ANKS1B: variants seen among roughly 807,000 people sequenced by gnomAD.
ANKS1B encodes ankyrin repeat and sterile alpha motif domain containing 1B.
In ANKS1B, 36 loss-of-function variants were observed where a neutral mutation model predicts 148.3. The ratio of observed to expected loss-of-function variants is 0.24; its 90% CI spans 0.19 to 0.32. The LOEUF is 0.32. Ranked by LOEUF, ANKS1B falls within the 10% of genes least tolerant of loss-of-function variation. The pLI, the probability that ANKS1B is intolerant of heterozygous loss-of-function variation, is 1.00. For synonymous variants in ANKS1B, 542 were observed against 560.8 expected (o/e 0.97, Z 0.47); for missense variants, 1,157 against 1,542.6 (o/e 0.75, Z 4.19).
chr12:98,952,675 C>T (rs2153083574), intron 17 of ANKS1B, among the ~76,000 whole-genome samples: 1 of 152,278 alleles, frequency 6.6e-6, no homozygotes, highest in South Asian at 2.1e-4. Flanking sequence ...TGCCTGCTCT[C>T]CACCTCACAT....
chr12:99,405,503 C>T (rs2094510069), intron 11 of ANKS1B, among the ~76,000 whole-genome samples: 1 of 144,624 alleles, frequency 6.9e-6, no homozygotes. Flanking sequence ...AAATTATTTG[C>T]AAGCCTTAAG....
intron 8 of ANKS1B, among the ~76,000 whole-genome samples, chr12:99,706,981 G>A (rs1600206960): frequency 1.3e-5 from 2 of 152,182 alleles, no homozygotes; most frequent in South Asian, 4.1e-4. Flanking sequence ...CTAGTCTTGT[G>A]AGAGAACATG....
intron 12 of ANKS1B, among the ~76,000 whole-genome samples, chr12:99,304,761 T>C (rs1428817003): frequency 1.3e-5 from 2 of 152,158 alleles, no homozygotes; most frequent in African/African-American, 4.8e-5. Context: ...TCTCTTATAA[T>C]ACATTAAATA....
intron 17 of ANKS1B, among the ~76,000 whole-genome samples, chr12:98,974,749 A>G (rs546617270): frequency 2.6e-5 from 4 of 152,270 alleles, no homozygotes; most frequent in African/African-American, 4.8e-5. Context: ...GCCAAGGAGT[A>G]TGAGCCAGTA....
At chr12:99,547,079 G>A (rs370161244) in intron 9 of ANKS1B, among the ~76,000 whole-genome samples, 7 of 152,118 alleles carry the variant, frequency 4.6e-5, no homozygotes, top group African/African-American at 1.7e-4. Context: ...TGTGGCCTTG[G>A]GGAGAAAAAG....
chr12:99,292,981 C>T (rs2080249553), intron 12 of ANKS1B, among the ~76,000 whole-genome samples: 1 of 152,136 alleles, frequency 6.6e-6, no homozygotes, highest in Admixed American at 6.5e-5. Flanking sequence ...TACCATTTGA[C>T]CCAGCAATCC....
Position 99,504,546 on chromosome 12 carries a change from A to G in ANKS1B, c.1368T>C (p.Asp456=). Residue 456 remains aspartate (D), a synonymous_variant, in exon 10 of 27, where the codon GAT becomes GAC. Transcript: ENST00000683438. ...TCTTTGTAACAGCTGTGTCCATGAGATCACACAGAAAGTTCTCATTTTCTG... is the reference window on the plus strand; with the variant it reads ...TCTTTGTAACAGCTGTGTCCATGAGGTCACACAGAAAGTTCTCATTTTCTG... ...FPSENENFLC[D]LMDTAVTKKP... is the part of the protein sequence containing the mutation. 1 of 1,612,982 alleles carries G rather than the reference A, an allele frequency of 6.2e-7. No individual in the cohort carries two copies. Among genetic ancestry groups the G allele is most frequent in the Non-Finnish European group, 8.5e-7 (1 of 1,179,450 alleles).
At chr12:99,144,344 CAT>C (rs2072174007) in intron 15 of ANKS1B, among the ~76,000 whole-genome samples, 1 of 151,908 alleles carries the variant, frequency 6.6e-6, no homozygotes, top group Non-Finnish European at 1.5e-5. Flanking sequence ...TGCCAGTTCT[CAT>C]ATTAAATAGC....
intron 12 of ANKS1B, among the ~76,000 whole-genome samples, chr12:99,381,748 G>T (rs960390240): frequency 6.6e-6 from 1 of 152,184 alleles, no homozygotes; most frequent in African/African-American, 2.4e-5. Flanking sequence ...AATGTGAAAG[G>T]TGGAAAACCG....
At chr12:98,797,559 G>GT (rs944666348) in intron 22 of ANKS1B, among the ~76,000 whole-genome samples, 8 of 152,234 alleles carry the variant, frequency 5.3e-5, no homozygotes, top group South Asian at 2.1e-4. Flanking sequence ...ACAGAAGCTT[G>GT]TTTTTTTATC....
chr12:99,571,494 A>G (rs1415106432), intron 9 of ANKS1B, among the ~76,000 whole-genome samples: 1 of 152,066 alleles, frequency 6.6e-6, no homozygotes, highest in Non-Finnish European at 1.5e-5. Flanking sequence ...ATTTTTGCCA[A>G]TCCTCAAATG....
At chr12:98,919,197 G>A (rs2099798168) in intron 17 of ANKS1B, among the ~76,000 whole-genome samples, 1 of 151,932 alleles carries the variant, frequency 6.6e-6, no homozygotes, top group Non-Finnish European at 1.5e-5. Context: ...TAACTTTTCT[G>A]TTCACTTACA....
chr12:99,209,227 C>T (rs1175016816), intron 14 of ANKS1B, among the ~76,000 whole-genome samples: 1 of 152,108 alleles, frequency 6.6e-6, no homozygotes, highest in Admixed American at 6.6e-5. Context: ...TCGGAAAGAG[C>T]CCAAGTGGTC....
Position 98,811,191 on chromosome 12 carries a change from G to C in ANKS1B, c.3067-3273C>G, listed in dbSNP as rs148561223. Among the ~76,000 whole-genome samples the C allele has an allele frequency of 2.6e-3, 396 of 152,234 alleles. 1 individual carries two copies. Among genetic ancestry groups the C allele is most frequent in the African/African-American group, 9.1e-3 (377 of 41,542 alleles). ...TTTGGAGAGCTCTTCTAGGATAGAG[G>C]GCAGGTCCTCCCACTGCACAGTTTC... On this transcript the variant is annotated intron_variant, in intron 19 of 26. Transcript: ENST00000683438.
chr12:98,917,348 C>T (rs2099795737), intron 17 of ANKS1B, among the ~76,000 whole-genome samples: 1 of 152,092 alleles, frequency 6.6e-6, no homozygotes, highest in African/African-American at 2.4e-5. Context: ...CCTATGCTAC[C>T]CTCAGGAAAT....
intron 9 of ANKS1B, among the ~76,000 whole-genome samples, chr12:99,645,665 A>C (rs576675961): frequency 2.6e-5 from 4 of 152,214 alleles, no homozygotes; most frequent in Non-Finnish European, 5.9e-5. Flanking sequence ...CTGCATTTTC[A>C]TAAAAGGAAT....
At chr12:99,196,234 G>C (rs1000635954) in intron 14 of ANKS1B, among the ~76,000 whole-genome samples, 4 of 152,138 alleles carry the variant, frequency 2.6e-5, no homozygotes, top group Non-Finnish European at 5.9e-5. Flanking sequence ...AGTACCTACT[G>C]TAGTCTCCAA....
chr12:99,770,443 T>A (rs536805616), intron 8 of ANKS1B, among the ~76,000 whole-genome samples: 1 of 152,120 alleles, frequency 6.6e-6, no homozygotes. Flanking sequence ...TTTTGCAACA[T>A]GTAAGAGTAT....
At chr12:99,776,398 C>T (rs552644035) in intron 6 of ANKS1B, among the ~76,000 whole-genome samples, 7 of 152,226 alleles carry the variant, frequency 4.6e-5, no homozygotes, top group Admixed American at 3.9e-4. Context: ...TTAAAGATTA[C>T]AAGTAAAGGA....
Sources: gnomAD v4.1 joint callset for allele counts (sites outside exome capture counted in the v4.1 genomes callset) on GRCh38, gnomAD v4.1.1 for gene constraint, MANE v1.5 for transcripts, NCBI Gene and HGNC (gene_info 2026-07-23, HGNC 2026-07-21) for gene names.